Variants in BPIFB4 observed in about 807,000 individuals in gnomAD.
The protein encoded by BPIFB4 is BPI fold containing family B member 4.
In BPIFB4, 62 loss-of-function variants were observed where a neutral mutation model predicts 69.2. That is an observed-to-expected ratio of 0.90 (90% CI 0.73 to 1.11). The LOEUF (loss-of-function observed/expected upper bound fraction) is 1.11. Among genes scored for constraint, BPIFB4 ranks in the 50% least tolerant of loss-of-function variants. BPIFB4 has a pLI of 0.00. For synonymous variants in BPIFB4, 330 were observed against 332.7 expected (o/e 0.99, Z 0.09); for missense variants, 789 against 792.0 (o/e 1.00, Z 0.04).
At chr20:33,090,959 A>G (rs999202956) in intron 10 of BPIFB4, among the ~76,000 whole-genome samples, 160 bp downstream of exon 10, 5 of 152,252 alleles carry the variant, frequency 3.3e-5, no homozygotes, top group African/African-American at 1.2e-4. Context: ...GTTAGAAAAC[A>G]TAATCATGGC....
chr20:33,109,474 G>C (rs1398298538), intron 17 of BPIFB4, among the ~76,000 whole-genome samples: 2 of 152,060 alleles, frequency 1.3e-5, no homozygotes, highest in Non-Finnish European at 2.9e-5. Context: ...TAGGCCACTT[G>C]CTCGAGGTCA....
intron 17 of BPIFB4, among the ~76,000 whole-genome samples, chr20:33,110,735 C>A (rs190036303): frequency 1.4e-5 from 2 of 143,924 alleles, no homozygotes; most frequent in Admixed American, 6.8e-5. Flanking sequence ...TTATTTCTGT[C>A]GATAGAGACT....
chr20:33,104,733 A>G (rs995478007), intron 15 of BPIFB4, 77 bp from the exon 16 acceptor site: 26 of 1,395,620 alleles, frequency 1.9e-5, no homozygotes, highest in Non-Finnish European at 2.6e-5. Flanking sequence ...ACCTTGAGCC[A>G]GGGGAGCAGA....
At chr20:33,081,461 C>A in intron 2 of BPIFB4, 51 bp from the exon 3 acceptor site, 1 of 1,531,140 alleles carries the variant, frequency 6.5e-7, no homozygotes. Context: ...TACCTGCTGG[C>A]CAGGGTGGTG....
At chr20:33,092,058 G>A (rs148334594) in intron 10 of BPIFB4, among the ~76,000 whole-genome samples, 27 of 152,264 alleles carry the variant, frequency 1.8e-4, no homozygotes, top group Admixed American at 1.5e-3. Flanking sequence ...GCTGTGTAGC[G>A]GGAAGGTGAG....
At chr20:33,097,266 G>C (rs553232793) in intron 12 of BPIFB4, among the ~76,000 whole-genome samples, 2 of 152,116 alleles carry the variant, frequency 1.3e-5, no homozygotes, top group Non-Finnish European at 2.9e-5. Flanking sequence ...ATACCCCATG[G>C]GTTGTTGTAA....
chr20:33,087,151 G>A (rs1981455172), intron 7 of BPIFB4, among the ~76,000 whole-genome samples: 1 of 152,158 alleles, frequency 6.6e-6, no homozygotes, highest in African/African-American at 2.4e-5. Flanking sequence ...AAACCTCACA[G>A]ATTTTTAAAT....
In BPIFB4 at chr20:33,083,676, G is replaced by A. The variant is rs762338625; in HGVS notation, c.479G>A (p.Gly160Glu). 1.2e-6 allele frequency: 2 copies of A among 1,614,076 alleles called. No homozygotes were observed. Among genetic ancestry groups the A allele is most frequent in the South Asian group, 2.2e-5 (2 of 91,060 alleles). ...CTGCAGCCTGGAGAAATCCCACCTG[G>A]AGTTGCCACTGGGGCGGTGGGCCCA... The part of the protein sequence containing the change: ...RELQPGEIPP[G>E]VATGAVGPGG... Residue 160 changes from glycine to glutamate, a missense_variant, in exon 5 of 18, where the codon GGA becomes GAA. Gly to Glu is a moderately conservative substitution (Grantham distance 98, BLOSUM62 -2). This residue lies in a region of BPIFB4 where 611 missense variants were observed against 575.4 expected (regional missense o/e 1.06). Transcript: ENST00000375483.
chr20:33,098,153 G>A (rs966579952), intron 13 of BPIFB4, among the ~76,000 whole-genome samples: 4 of 152,162 alleles, frequency 2.6e-5, no homozygotes, highest in African/African-American at 9.7e-5. Context: ...ACAGGGGGAT[G>A]GCAGTAGGGC....
chr20:33,098,744 C>CA (rs11331998), intron 13 of BPIFB4, among the ~76,000 whole-genome samples: 4,866 of 107,296 alleles, frequency 0.045, 155 homozygotes, highest in African/African-American at 0.11. Flanking sequence ...GACTCCATCT[C>CA]AAAAAAAAAA....
At chr20:33,083,075 G>A (rs1357732711) in intron 4 of BPIFB4, 75 bp downstream of exon 4, 4 of 1,442,280 alleles carry the variant, frequency 2.8e-6, no homozygotes, top group Non-Finnish European at 3.9e-6. Flanking sequence ...AGGTGGTGGG[G>A]GAGGTGGTCT....
In BPIFB4 at chr20:33,111,396, T is replaced by A; in HGVS notation, c.1822-18T>A. The A allele has an allele frequency of 6.2e-7, 1 of 1,613,958 alleles. No individual in the cohort carries two copies. The highest frequency in any genetic ancestry group is 2.2e-5 in the East Asian group (1 of 44,874). On this transcript the variant is annotated intron_variant, in intron 17 of 17. Coordinates refer to ENST00000375483, the MANE Select transcript of BPIFB4 (RefSeq NM_182519.3). ...AGCCACCCCACCCATCACCGGCTAC[T>A]CTGTTCTGCCATCCAAGGACCTTTT...
chr20:33,100,387 T>G lies in BPIFB4; in HGVS notation c.1570-39T>G, dbSNP rs771938851. The G allele has an allele frequency of 5.2e-6, 8 of 1,526,592 alleles. No individual in the cohort carries two copies. In the East Asian group the frequency reaches 1.8e-4, roughly 34 times the overall value. 94.6% of individuals were successfully genotyped at this position (1,526,592 alleles called of 1,614,324 possible). ...CCTTTGGCAAGCACTGGCCAAGACA[T>G]GAAGGCAGTGACGTCTTTCTCCTTT... On this transcript the variant is annotated intron_variant, in intron 13 of 17. Coordinates refer to ENST00000375483, the MANE Select transcript of BPIFB4 (RefSeq NM_182519.3).
intron 7 of BPIFB4, among the ~76,000 whole-genome samples, chr20:33,088,071 G>A (rs868657550): frequency 6.6e-6 from 1 of 152,078 alleles, no homozygotes; most frequent in Admixed American, 6.5e-5. Flanking sequence ...TGTTTCCTTC[G>A]TCTTCTTATC....
chr20:33,093,834 TCATC>T (rs112485472), intron 11 of BPIFB4, among the ~76,000 whole-genome samples: 85,139 of 149,010 alleles, frequency 0.57, 24,562 homozygotes, highest in Middle Eastern at 0.65. Flanking sequence ...CCTTCACAAT[TCATC>T]CATCCATCCA....
At position 33,090,760 on chromosome 20, in the gene BPIFB4, C is replaced by T; in HGVS notation, c.1104C>T (p.Leu368=). Reference sequence around the variant, plus strand: ...GTGTCCAGTACACCTTCTCCAGCCTCCCGCTTGTGACCGGGGAATTCCTGG... The same window carrying T: ...GTGTCCAGTACACCTTCTCCAGCCTTCCGCTTGTGACCGGGGAATTCCTGG... ...LGSVQYTFSS[L]PLVTGEFLEL... is the part of the protein sequence containing the mutation. The change falls in exon 10 of 18, where the codon CTC becomes CTT. Residue 368 remains leucine (L), a synonymous_variant. Coordinates refer to ENST00000375483, the MANE Select transcript of BPIFB4 (RefSeq NM_182519.3). 1 of 1,614,180 alleles carries T rather than the reference C, an allele frequency of 6.2e-7. No individual in the cohort carries two copies. The highest frequency in any genetic ancestry group is 8.5e-7 in the Non-Finnish European group (1 of 1,180,030).
intron 4 of BPIFB4, 46 bp from the exon 5 acceptor site, chr20:33,083,320 TG>T: frequency 1.9e-6 from 3 of 1,568,896 alleles, no homozygotes. Flanking sequence ...TTTTGGGTGG[TG>T]GCCGACACCA....
At chr20:33,083,272 C>G in intron 4 of BPIFB4, 95 bp from the exon 5 acceptor site, 1 of 1,089,064 alleles carries the variant, frequency 9.2e-7, no homozygotes, top group Non-Finnish European at 1.2e-6. Context: ...TGCTGGGTGG[C>G]AGTAGAGGGG....
At chr20:33,085,975 G>T in intron 6 of BPIFB4, 46 bp from the exon 7 acceptor site, 4 of 1,577,520 alleles carry the variant, frequency 2.5e-6, no homozygotes, top group Non-Finnish European at 3.5e-6. Flanking sequence ...AGCTCCTGGC[G>T]GCTGGGGGTG....
Sources: gnomAD v4.1 joint callset for allele counts (sites outside exome capture counted in the v4.1 genomes callset) on GRCh38, gnomAD v4.1.1 for gene constraint, gnomAD v4.1.1 regional missense constraint, MANE v1.5 for transcripts, NCBI Gene and HGNC (gene_info 2026-07-23, HGNC 2026-07-21) for gene names.